The following SPTB variants were observed in gnomAD, a reference collection of about 807,000 sequenced individuals.
SPTB encodes spectrin beta, erythrocytic.
SPTB carries 45 observed loss-of-function variants against 256.2 expected under a neutral mutation model. The ratio of observed to expected loss-of-function variants is 0.18; its 90% CI spans 0.14 to 0.23. SPTB has a LOEUF of 0.23. SPTB is among the 10% of genes least tolerant of loss of function. The pLI, the probability that SPTB is intolerant of heterozygous loss-of-function variation, is 1.00. For synonymous variants in SPTB, 1,231 were observed against 1,243.1 expected (o/e 0.99, Z 0.21); for missense variants, 2,715 against 3,040.4 (o/e 0.89, Z 2.52).
At position 64,847,160 on chromosome 14, in the gene SPTB, C is replaced by A. The variant is rs1412738140; in HGVS notation, c.-51-24015G>T. Among the ~76,000 whole-genome samples the A allele has an allele frequency of 1.5e-4, 23 of 152,192 alleles. No individual in the cohort carries two copies. Among genetic ancestry groups the A allele is most frequent in the Admixed American group, 1.5e-3 (23 of 15,290 alleles). On this transcript the variant is annotated intron_variant, in intron 1 of 35. Transcript: ENST00000644917. The surrounding 1 kb of genome is among the most constrained non-coding windows in gnomAD (Gnocchi z 5.9). ...GCCCAGTCGGCTCTTGGTCCAGGACCTAATCTTCAAAGCTCCAGAAAATTA... is the reference window on the plus strand; with the variant it reads ...GCCCAGTCGGCTCTTGGTCCAGGACATAATCTTCAAAGCTCCAGAAAATTA...
In SPTB at chr14:64,772,670, G is replaced by C; in HGVS notation, c.5463C>G (p.Pro1821=). The part of the protein sequence containing the change: ...GLIDEKHREL[P]EDVGLDASTA... ...TGCTGGCGTCCAGCCCCACGTCCTC[G>C]GGCAGCTCGCGGTGCTTCTCGTCGA... The change falls in exon 26 of 36, where the codon CCC becomes CCG. Residue 1821 remains proline, a synonymous_variant. Coordinates refer to ENST00000644917, the MANE Select transcript of SPTB (RefSeq NM_001355436.2). This position sits in a 1 kb window ranked among gnomAD's most constrained non-coding sequence, Gnocchi z 5.4. 1 of 1,613,506 alleles carries C rather than the reference G, an allele frequency of 6.2e-7. No individual in the cohort carries two copies. The highest frequency in any genetic ancestry group is 2.2e-5 in the East Asian group (1 of 44,876).
intron 32 of SPTB, chr14:64,754,788 C>T (rs1204380057): frequency 6.6e-6 from 1 of 152,320 alleles, no homozygotes; most frequent in Non-Finnish European, 1.5e-5. Context: ...TGGGCATCTC[C>T]TTATGCTAGA....
chr14:64,763,621 T>C, intron 32 of SPTB: 1 of 458,958 alleles, frequency 2.2e-6, no homozygotes, highest in South Asian at 1.6e-5. Context: ...GGGGATTAGG[T>C]GGTTTTTATC....
At position 64,790,076 on chromosome 14, in the gene SPTB, T is replaced by C. The variant is rs1011901813; in HGVS notation, c.2804+1643A>G. On this transcript the variant is annotated intron_variant, in intron 15 of 35. Coordinates refer to ENST00000644917, the MANE Select transcript of SPTB (RefSeq NM_001355436.2). This position sits in a 1 kb window ranked among gnomAD's most constrained non-coding sequence, Gnocchi z 4.8. Reference sequence around the variant, plus strand: ...TTCAAGGAGGCAGATTTCCACTCAATGGAAGAGCAAACTTTTTAACCAAAA... The same window carrying C: ...TTCAAGGAGGCAGATTTCCACTCAACGGAAGAGCAAACTTTTTAACCAAAA... Among the ~76,000 whole-genome samples the C allele has an allele frequency of 3.3e-5, 5 of 152,170 alleles. No individual in the cohort carries two copies. Among genetic ancestry groups the C allele is most frequent in the African/African-American group, 9.7e-5 (4 of 41,446 alleles).
rs1055778749 is a variant in SPTB at position 64,759,676 on chromosome 14, A to G, written c.6346-5883T>C. 3.9e-5 allele frequency among the ~76,000 whole-genome samples: 6 copies of G among 152,206 alleles called. No individual in the cohort carries two copies. Among genetic ancestry groups the G allele is most frequent in the Non-Finnish European group, 7.3e-5 (5 of 68,030 alleles). On this transcript the variant is annotated intron_variant, in intron 32 of 35. Transcript: ENST00000644917. The surrounding 1 kb of genome is among the most constrained non-coding windows in gnomAD (Gnocchi z 4.8). ...GGCAGCATATGGAGGAGCTGATCTGAGGTTCCCTTCCACCTTTGTGCTGTA... is the reference window on the plus strand; with the variant it reads ...GGCAGCATATGGAGGAGCTGATCTGGGGTTCCCTTCCACCTTTGTGCTGTA...
chr14:64,795,225 T>C lies in SPTB; in HGVS notation c.1644+112A>G, dbSNP rs1311652427. On this transcript the variant is annotated intron_variant, in intron 12 of 35. Coordinates refer to ENST00000644917, the MANE Select transcript of SPTB (RefSeq NM_001355436.2). The surrounding 1 kb of genome is among the most constrained non-coding windows in gnomAD (Gnocchi z 6.5). ...GCTGCCTCAGTTTCTCTATTTTGACTCAGAGATATGACTGGCTGGGAGGTG... is the reference window on the plus strand; with the variant it reads ...GCTGCCTCAGTTTCTCTATTTTGACCCAGAGATATGACTGGCTGGGAGGTG... 63 of 1,276,836 alleles carry C rather than the reference T, an allele frequency of 4.9e-5. No homozygotes were observed. The highest frequency in any genetic ancestry group is 2.6e-5 in the Non-Finnish European group (24 of 920,630). The allele number at this position is 1,276,836 out of a possible 1,614,324, so 79.1% of individuals were successfully genotyped here. A position where few individuals can be genotyped will look rare whatever the true frequency, so the allele number is the denominator to read the frequency against.
intron 1 of SPTB, among the ~76,000 whole-genome samples, chr14:64,872,190 C>G (rs1250906476): frequency 1.3e-5 from 2 of 152,126 alleles, no homozygotes; most frequent in African/African-American, 4.8e-5. Context: ...AATACATCAC[C>G]ATCTCAGTAA....
chr14:64,855,849 C>T (rs1001561804), intron 1 of SPTB, among the ~76,000 whole-genome samples: 1 of 152,346 alleles, frequency 6.6e-6, no homozygotes, highest in Admixed American at 6.5e-5. Flanking sequence ...CTCGAGCCTC[C>T]ACCCCTTCCT....
In SPTB at chr14:64,823,158, AAC is replaced by A. The variant is rs2083324185; in HGVS notation, c.-51-15_-51-14del. On this transcript the variant is annotated splice_polypyrimidine_tract_variant and intron_variant, in intron 1 of 35. Coordinates refer to ENST00000644917, the MANE Select transcript of SPTB (RefSeq NM_001355436.2). This position sits in a 1 kb window ranked among gnomAD's most constrained non-coding sequence, Gnocchi z 6.5. ...CATGGAAGGATCCCTGGGGGACAGC[AAC>A]ACAGTCAGAGGGTTATCTCTCTACC... is the stretch of plus-strand genomic sequence containing the variant. 1 of 1,600,002 alleles carries A rather than the reference AAC, an allele frequency of 6.2e-7. No individual in the cohort carries two copies. Among genetic ancestry groups the A allele is most frequent in the African/African-American group, 1.3e-5 (1 of 74,658 alleles).
chr14:64,788,918 C>T (rs1238052502), intron 15 of SPTB, among the ~76,000 whole-genome samples: 3 of 152,208 alleles, frequency 2.0e-5, no homozygotes, highest in Non-Finnish European at 4.4e-5. Context: ...ACACATTCAT[C>T]AAGTGTTTGA....
At chr14:64,771,599 A>G (rs2139498026) in intron 26 of SPTB, among the ~76,000 whole-genome samples, 1 of 152,278 alleles carries the variant, frequency 6.6e-6, no homozygotes, top group Admixed American at 6.5e-5. Context: ...CGTGCTCCTG[A>G]GTCCCCGTTC....
chr14:64,810,733 A>G (rs1263502043), intron 2 of SPTB, among the ~76,000 whole-genome samples: 1 of 152,120 alleles, frequency 6.6e-6, no homozygotes, highest in Non-Finnish European at 1.5e-5. Context: ...TGCTTTCTAC[A>G]ATGTTAGTGT....
chr14:64,774,497 G>T lies in SPTB; in HGVS notation c.4873C>A (p.Arg1625=). ...ACCGCACGCTGCTGCCGCAAATGTC[G>T]CTTCAGCATCACAATGGCGCCCTCT... ...DEEGAIVMLK[R]HLRQQRAVED... The change falls in exon 24 of 36, where the codon CGA becomes AGA. Residue 1625 remains arginine, a synonymous_variant. Coordinates refer to ENST00000644917, the MANE Select transcript of SPTB (RefSeq NM_001355436.2). 1 of 1,555,184 alleles carries T rather than the reference G, an allele frequency of 6.4e-7. No individual in the cohort carries two copies. Among genetic ancestry groups the T allele is most frequent in the Non-Finnish European group, 8.7e-7 (1 of 1,149,040 alleles).
At chr14:64,860,911 A>T (rs918887409) in intron 1 of SPTB, among the ~76,000 whole-genome samples, 1 of 152,220 alleles carries the variant, frequency 6.6e-6, no homozygotes, top group Admixed American at 6.5e-5. Context: ...ATAAAGACAC[A>T]TGCACATGTA....
chr14:64,775,964 A>T lies in SPTB; in HGVS notation c.4564-561T>A. 6.6e-6 allele frequency among the ~76,000 whole-genome samples: 1 copy of T among 151,976 alleles called. No individual in the cohort carries two copies. Among genetic ancestry groups the T allele is most frequent in the African/African-American group, 2.4e-5 (1 of 41,350 alleles). ...TTGTTTTTCCCTACTTCTATTTCTCATATTTTTGTGAGCTTTGCATTAGTC... is the reference window on the plus strand; with the variant it reads ...TTGTTTTTCCCTACTTCTATTTCTCTTATTTTTGTGAGCTTTGCATTAGTC... On this transcript the variant is annotated intron_variant, in intron 22 of 35. Transcript: ENST00000644917. This position sits in a 1 kb window ranked among gnomAD's most constrained non-coding sequence, Gnocchi z 5.0.
At position 64,785,501 on chromosome 14, in the gene SPTB, C is replaced by A; in HGVS notation, c.3855+36G>T. Reference sequence around the variant, plus strand: ...GGGAACTCTGCTTCTAGAAAGGAATCTCCAGGAAAGCAGCCACTCCTTGCT... The same window carrying A: ...GGGAACTCTGCTTCTAGAAAGGAATATCCAGGAAAGCAGCCACTCCTTGCT... On this transcript the variant is annotated intron_variant, in intron 18 of 35. Coordinates refer to ENST00000644917, the MANE Select transcript of SPTB (RefSeq NM_001355436.2). This position sits in a 1 kb window ranked among gnomAD's most constrained non-coding sequence, Gnocchi z 4.4. 1 of 1,573,338 alleles carries A rather than the reference C, an allele frequency of 6.4e-7. No homozygotes were observed. Among genetic ancestry groups the A allele is most frequent in the South Asian group, 1.1e-5 (1 of 87,594 alleles).
rs767745330 is a variant in SPTB at position 64,866,555 on chromosome 14, A to G, written c.-52+13237T>C. ...CTCTGGAAGTTAAATACCAGCTCCT[A>G]TCAGTCACTGGGTGCAGGACGAGGC... On this transcript the variant is annotated intron_variant, in intron 1 of 35. Coordinates refer to ENST00000644917, the MANE Select transcript of SPTB (RefSeq NM_001355436.2). This position sits in a 1 kb window ranked among gnomAD's most constrained non-coding sequence, Gnocchi z 4.6. Among the ~76,000 whole-genome samples, 1 of 152,164 alleles carries G rather than the reference A, an allele frequency of 6.6e-6. No individual in the cohort carries two copies. The highest frequency in any genetic ancestry group is 1.5e-5 in the Non-Finnish European group (1 of 68,036).
At chr14:64,837,855 ACCCACCTTGGCCT>A (rs975026695) in intron 1 of SPTB, among the ~76,000 whole-genome samples, 1 of 152,118 alleles carries the variant, frequency 6.6e-6, no homozygotes, top group Non-Finnish European at 1.5e-5. Context: ...CTGGTGATCC[ACCCACCTTGGCCT>A]CCCAAAGTGC....
chr14:64,841,391 C>T lies in SPTB; in HGVS notation c.-51-18246G>A, dbSNP rs2083604997. ...ATCAAAGGAGTGGGAAGGTTATAAA[C>T]AGTTTTTAAATCATCTGAGACGAAT... is the stretch of plus-strand genomic sequence containing the variant. On this transcript the variant is annotated intron_variant, in intron 1 of 35. Transcript: ENST00000644917. This position sits in a 1 kb window ranked among gnomAD's most constrained non-coding sequence, Gnocchi z 4.6. 6.6e-6 allele frequency among the ~76,000 whole-genome samples: 1 copy of T among 152,138 alleles called. No individual in the cohort carries two copies. Among genetic ancestry groups the T allele is most frequent in the African/African-American group, 2.4e-5 (1 of 41,416 alleles).
Sources: allele counts gnomAD v4.1 joint callset (sites outside exome capture counted in the v4.1 genomes callset), GRCh38; gene constraint gnomAD v4.1.1; non-coding constraint Gnocchi (gnomAD v3.1); transcripts MANE v1.5; gene names NCBI Gene and HGNC (gene_info 2026-07-23, HGNC 2026-07-21).